The following SLC24A3 variants were observed in gnomAD, a reference collection of about 807,000 sequenced individuals.
SLC24A3 encodes solute carrier family 24 member 3, also known as sodium/potassium/calcium exchanger 3.
Under a neutral mutation model 75.8 loss-of-function variants are expected in SLC24A3, and 28 were observed. That is an observed-to-expected ratio of 0.37 (90% CI 0.27 to 0.51). The LOEUF is 0.51. SLC24A3 is among the 20% of genes least tolerant of loss of function. The pLI is 0.94. For missense variants in SLC24A3, 663 were observed against 847.8 expected, an observed-to-expected ratio of 0.78 and a Z score of 2.71; for synonymous variants, 372 against 334.1, an observed-to-expected ratio of 1.11 and a Z score of -1.24.
intron 2 of SLC24A3, among the ~76,000 whole-genome samples, chr20:19,349,582 A>G (rs1432674341): frequency 6.6e-6 from 1 of 152,104 alleles, no homozygotes; most frequent in Non-Finnish European, 1.5e-5. Context: ...CAGTGTGTAA[A>G]TATCCCAGTT....
intron 3 of SLC24A3, among the ~76,000 whole-genome samples, chr20:19,530,282 A>G (rs3790241): frequency 0.15 from 22,108 of 152,098 alleles, 1,738 homozygotes; most frequent in Middle Eastern, 0.2. Context: ...ACATAGATAA[A>G]CCGTACTCAC....
intron 1 of SLC24A3, among the ~76,000 whole-genome samples, chr20:19,269,219 A>T (rs1983253512): frequency 6.6e-6 from 1 of 152,272 alleles, no homozygotes; most frequent in Non-Finnish European, 1.5e-5. Context: ...CAGTGCAAAT[A>T]TGGGACATTC....
intron 1 of SLC24A3, among the ~76,000 whole-genome samples, chr20:19,240,285 CTCAA>C (rs1982293907): frequency 2.0e-5 from 3 of 152,170 alleles, no homozygotes; most frequent in Non-Finnish European, 4.4e-5. Context: ...CCATTGCAGC[CTCAA>C]TGGTGTACAT....
At chr20:19,414,056 T>C (rs1392638160) in intron 2 of SLC24A3, among the ~76,000 whole-genome samples, 1 of 152,204 alleles carries the variant, frequency 6.6e-6, no homozygotes, top group Non-Finnish European at 1.5e-5. Context: ...AATCAGCATA[T>C]GATACAATGT....
intron 3 of SLC24A3, among the ~76,000 whole-genome samples, chr20:19,522,786 GTT>G (rs10714454): frequency 0.51 from 75,753 of 148,680 alleles, 19,615 homozygotes; most frequent in African/African-American, 0.61. Context: ...CTCCTGCAGG[GTT>G]TTTTTTTTTT....
At chr20:19,619,488 A>C (rs2031777648) in intron 6 of SLC24A3, among the ~76,000 whole-genome samples, 1 of 152,212 alleles carries the variant, frequency 6.6e-6, no homozygotes, top group African/African-American at 2.4e-5. Context: ...TAGAGCAGAG[A>C]TGAGCTTTCC....
intron 2 of SLC24A3, among the ~76,000 whole-genome samples, chr20:19,439,241 G>C (rs1378007340): frequency 6.6e-6 from 1 of 152,244 alleles, no homozygotes; most frequent in Non-Finnish European, 1.5e-5. Flanking sequence ...CTGCTGGGCA[G>C]CCATCCCAGG....
rs5840845 is a variant in SLC24A3 at position 19,465,381 on chromosome 20, A to ATTT, written c.272-50090_272-50088dup. Among the ~76,000 whole-genome samples, 548 of 143,100 alleles carry ATTT rather than the reference A, an allele frequency of 3.8e-3. 3 individuals carry two copies. Among genetic ancestry groups the ATTT allele is most frequent in the South Asian group, 8.6e-3 (38 of 4,398 alleles). 93.9% of individuals were successfully genotyped at this position (143,100 alleles called of 152,430 possible). ...AGAGTTACCCCAGCAGGGCTGGAGA[A>ATTT]TTTTTTTTTTTTTTTTTTTATCAAA... On this transcript the variant is annotated intron_variant, in intron 2 of 16. Coordinates refer to ENST00000328041, the MANE Select transcript of SLC24A3 (RefSeq NM_020689.4).
At chr20:19,218,891 A>G (rs1981633422) in intron 1 of SLC24A3, among the ~76,000 whole-genome samples, 1 of 152,090 alleles carries the variant, frequency 6.6e-6, no homozygotes. Flanking sequence ...AGACTTTCAT[A>G]ATGGGGAAAC....
At chr20:19,574,180 T>C (rs76793091) in intron 3 of SLC24A3, among the ~76,000 whole-genome samples, 183 of 152,358 alleles carry the variant, frequency 1.2e-3, no homozygotes, top group African/African-American at 4.3e-3. Flanking sequence ...GGCCTCTGAA[T>C]AGTGCATGCT....
intron 2 of SLC24A3, among the ~76,000 whole-genome samples, chr20:19,348,410 G>A (rs151314888): frequency 5.7e-4 from 87 of 152,320 alleles, no homozygotes; most frequent in African/African-American, 2.0e-3. Flanking sequence ...GCAGTGAACT[G>A]TTGCTGAATC....
intron 2 of SLC24A3, among the ~76,000 whole-genome samples, chr20:19,365,561 T>G (rs1985873607): frequency 6.6e-6 from 1 of 152,058 alleles, no homozygotes; most frequent in South Asian, 2.1e-4. Context: ...ACTAGGGGAT[T>G]TTTTTTTGAA....
At chr20:19,589,030 G>T (rs1319677932) in intron 6 of SLC24A3, among the ~76,000 whole-genome samples, 1 of 152,144 alleles carries the variant, frequency 6.6e-6, no homozygotes, top group Non-Finnish European at 1.5e-5. Flanking sequence ...AATAATACTG[G>T]CTCGTTTAAA....
chr20:19,573,185 C>T (rs1284128396), intron 3 of SLC24A3, among the ~76,000 whole-genome samples: 1 of 152,212 alleles, frequency 6.6e-6, no homozygotes, highest in Non-Finnish European at 1.5e-5. Context: ...GCAGGGTTAA[C>T]GTCCTGCCAT....
chr20:19,369,394 C>CA (rs1170049447), intron 2 of SLC24A3, among the ~76,000 whole-genome samples: 1 of 152,074 alleles, frequency 6.6e-6, no homozygotes, highest in Admixed American at 6.6e-5. Flanking sequence ...ATGTCAAGGG[C>CA]ATGAAAGACA....
rs2032508765 is a variant in SLC24A3, at chr20:19,675,116, CCATGGTGGTAAG to C, written c.767+1464_767+1475del. On this transcript the variant is annotated intron_variant, in intron 9 of 16. Coordinates refer to ENST00000328041, the MANE Select transcript of SLC24A3 (RefSeq NM_020689.4). ...CCATGCTGTAAGTTAAATGTAAGCACCATGGTGGTAAGCCTGCTGGTTCATCTTTTTGCCAGG... is the reference window on the plus strand; with the variant it reads ...CCATGCTGTAAGTTAAATGTAAGCACCCTGCTGGTTCATCTTTTTGCCAGG... 3.3e-5 allele frequency among the ~76,000 whole-genome samples: 5 copies of C among 152,250 alleles called. No homozygotes were observed. In the South Asian group the frequency reaches 1.0e-3, roughly 32 times the overall value.
At chr20:19,373,216 G>A (rs938688352) in intron 2 of SLC24A3, among the ~76,000 whole-genome samples, 1 of 152,240 alleles carries the variant, frequency 6.6e-6, no homozygotes, top group East Asian at 1.9e-4. Flanking sequence ...TAGTTCCTGA[G>A]AGATGATCCG....
rs190632073 is a variant in SLC24A3, at chr20:19,236,125, T to C, written c.142+23141T>C. The stretch of plus-strand genomic sequence containing the variant: ...TTTGATATAATTCAACCAACTTTTA[T>C]TGGGGAGCCATGCTCTGTTGGTAAC... On this transcript the variant is annotated intron_variant, in intron 1 of 16. Coordinates refer to ENST00000328041, the MANE Select transcript of SLC24A3 (RefSeq NM_020689.4). 9.8e-5 allele frequency among the ~76,000 whole-genome samples: 15 copies of C among 152,334 alleles called. No individual in the cohort carries two copies. In the East Asian group the frequency reaches 1.2e-3, roughly 12 times the overall value.
At chr20:19,468,513 G>A (rs74379821) in intron 2 of SLC24A3, among the ~76,000 whole-genome samples, 6,660 of 152,160 alleles carry the variant, frequency 0.044, 452 homozygotes, top group African/African-American at 0.15. Flanking sequence ...TGAAAATCTC[G>A]TCACTCCTAT....
Sources: gnomAD v4.1 joint callset for allele counts (sites outside exome capture counted in the v4.1 genomes callset) on GRCh38, gnomAD v4.1.1 for gene constraint, MANE v1.5 for transcripts, NCBI Gene and HGNC (gene_info 2026-07-23, HGNC 2026-07-21) for gene names.